Variants in ZBTB11 observed in about 807,000 individuals in gnomAD.
ZBTB11 encodes the protein zinc finger and BTB domain-containing protein 11.
A neutral mutation model predicts 113.1 loss-of-function variants in ZBTB11; 68 were observed. The observed-to-expected ratio is 0.60, with a 90% confidence interval of 0.49 to 0.74. The LOEUF (loss-of-function observed/expected upper bound fraction) is 0.74. Ranked by LOEUF, ZBTB11 falls within the 30% of genes least tolerant of loss-of-function variation. The pLI is 0.00. For missense variants in ZBTB11, 1,104 were observed against 1,279.4 expected (o/e 0.86, Z 2.09); for synonymous variants, 518 against 452.6 (o/e 1.14, Z -1.83).
intron 5 of ZBTB11, among the ~76,000 whole-genome samples, chr3:101,661,381 C>T (rs542988325): frequency 3.9e-5 from 6 of 152,246 alleles, no homozygotes; most frequent in African/African-American, 1.4e-4. Flanking sequence ...TTGTATTTAA[C>T]ACGTCTTGCT....
At chr3:101,665,832 A>T in intron 3 of ZBTB11, 24 bp from the exon 4 acceptor site, 1 of 1,544,390 alleles carries the variant, frequency 6.5e-7, no homozygotes, top group East Asian at 2.3e-5. Context: ...AAGAAGGTAA[A>T]GACAAAAAAG....
intron 1 of ZBTB11, among the ~76,000 whole-genome samples, chr3:101,673,977 C>T (rs968106266): frequency 1.3e-5 from 2 of 150,792 alleles, no homozygotes; most frequent in Admixed American, 6.6e-5. Context: ...CTGACTTCTA[C>T]GGTGAAGAAA....
At chr3:101,655,889 T>A (rs1333873833) in intron 7 of ZBTB11, 1 of 234,122 alleles carries the variant, frequency 4.3e-6, no homozygotes, top group East Asian at 9.3e-5. Context: ...CTCAATCTCC[T>A]GACCTCATGA....
At chr3:101,671,662 T>C in intron 2 of ZBTB11, 1 of 575,452 alleles carries the variant, frequency 1.7e-6, no homozygotes, top group South Asian at 2.3e-5. Context: ...GCCAGATTAA[T>C]TTTACCTTGG....
At chr3:101,664,084 A>G (rs569318949) in intron 5 of ZBTB11, among the ~76,000 whole-genome samples, 1 of 152,284 alleles carries the variant, frequency 6.6e-6, no homozygotes, top group Admixed American at 6.5e-5. Flanking sequence ...GGACAGGGGT[A>G]GTGATTTAAT....
intron 8 of ZBTB11, among the ~76,000 whole-genome samples, chr3:101,653,461 T>C (rs533000053): frequency 1.1e-4 from 17 of 152,318 alleles, no homozygotes; most frequent in Middle Eastern, 3.4e-3. Context: ...CTGAAACCAC[T>C]GCCATTGTCT....
intron 5 of ZBTB11, among the ~76,000 whole-genome samples, chr3:101,661,067 A>G (rs1936878640): frequency 6.6e-6 from 1 of 152,018 alleles, no homozygotes; most frequent in Non-Finnish European, 1.5e-5. Flanking sequence ...CCCTGTCTCT[A>G]CAAAAAAAAT....
chr3:101,652,964 T>G (rs1180032154), intron 8 of ZBTB11, 26 bp from the exon 9 acceptor site: 1 of 1,595,768 alleles, frequency 6.3e-7, no homozygotes. Context: ...GTTACCCAAT[T>G]GGATAATCTT....
chr3:101,671,892 G>A lies in ZBTB11; in HGVS notation c.546+86C>T, dbSNP rs767872414. ...TTGTCTTATTCAATAAGCAGTCTTAGTGGTTTGAGAAAAATAAGTCACCAA... is the reference window on the plus strand; with the variant it reads ...TTGTCTTATTCAATAAGCAGTCTTAATGGTTTGAGAAAAATAAGTCACCAA... On this transcript the variant is annotated intron_variant, in intron 2 of 10. Transcript: ENST00000312938. The A allele has an allele frequency of 4.0e-6, 4 of 1,010,622 alleles. No homozygotes were observed. The African/African-American group carries it at 6.3e-5, about 16-fold the overall frequency. The allele number at this position is 1,010,622 out of a possible 1,614,324, so 62.6% of individuals were successfully genotyped here. A position where few individuals can be genotyped will look rare whatever the true frequency, so the allele number is the denominator to read the frequency against.
rs1236624369 is a variant in ZBTB11 at position 101,651,217 on chromosome 3, T to C, written c.3111A>G (p.Glu1037=). Residue 1037 remains glutamate (E), a synonymous_variant, in exon 11 of 11, where the codon GAA becomes GAG. Transcript: ENST00000312938. ...CCTCTACTTTAACAGTTTGAATAGC[T>C]TCTGCAACTTCAGATAGCTTCTGTC... is the stretch of plus-strand genomic sequence containing the variant. The part of the protein sequence containing the change: ...QQGQKLSEVA[E]AIQTVKVEVA... 3 of 1,611,388 alleles carry C rather than the reference T, an allele frequency of 1.9e-6. No individual in the cohort carries two copies. In the Admixed American group the frequency reaches 5.1e-5, roughly 27 times the overall value.
intron 5 of ZBTB11, 79 bp from the exon 6 acceptor site, chr3:101,660,107 T>C (rs1936863310): frequency 2.1e-6 from 3 of 1,408,764 alleles, no homozygotes; most frequent in African/African-American, 1.4e-5. Context: ...ATTTGGACTT[T>C]GTTTTTGTTA....
rs764640667 is a variant in ZBTB11, at chr3:101,659,850, A to G, written c.1979T>C (p.Leu660Ser). The G allele has an allele frequency of 3.1e-6, 5 of 1,614,154 alleles. No individual in the cohort carries two copies. Among genetic ancestry groups the G allele is most frequent in the South Asian group, 1.1e-5 (1 of 91,090 alleles). ...EFICSICGRT[L>S]PKLYSLRIHM... is the part of the protein sequence containing the mutation. ...TATTCGGAGAGAATATAATTTAGGT[A>G]ATGTTCTTCCACATATGGAACATAT... Residue 660 changes from leucine (L) to serine (S), a missense_variant, in exon 6 of 11, where the codon TTA becomes TCA. Physicochemically the swap from Leu to Ser is moderately radical, Grantham distance 145 (BLOSUM62 -2). Transcript: ENST00000312938.
At position 101,671,276 on chromosome 3, in the gene ZBTB11, T is replaced by C. The variant is rs2108327326; in HGVS notation, c.632A>G (p.Asn211Ser). The C allele has an allele frequency of 6.2e-7, 1 of 1,614,182 alleles. No homozygotes were observed. Among genetic ancestry groups the C allele is most frequent in the Non-Finnish European group, 8.5e-7 (1 of 1,180,034 alleles). The change falls in exon 3 of 11, where the codon AAC becomes AGC. Residue 211 changes from asparagine to serine, a missense_variant. Asn to Ser is a conservative substitution (Grantham distance 46). This residue lies in a region of ZBTB11 where 245 missense variants were observed against 272.5 expected (regional missense o/e 0.90). Transcript: ENST00000312938. ...TAACAAAGTAACATCACAGAACTGG[T>C]TGGAAAGTCTCTGTTCGTTCAGCTG... ...LKQLNEQRLS[N>S]QFCDVTLLIE...
At position 101,677,098 on chromosome 3, in the gene ZBTB11, T is replaced by C. The variant is rs1029265050; in HGVS notation, c.-184A>G. On this transcript the variant is annotated 5_prime_UTR_variant, in exon 1 of 11. Transcript: ENST00000312938. ...GGGCGAGTTGGTAACCAGGGGGAAC[T>C]GCACTTCTCCAGCGCGCGGGATCCG... 1.6e-5 allele frequency: 10 copies of C among 637,986 alleles called. No individual in the cohort carries two copies. The highest frequency in any genetic ancestry group is 2.3e-5 in the Non-Finnish European group (9 of 396,580). 39.5% of individuals were successfully genotyped at this position (637,986 alleles called of 1,614,324 possible).
At chr3:101,660,816 T>C (rs1310658892) in intron 5 of ZBTB11, among the ~76,000 whole-genome samples, 1 of 152,252 alleles carries the variant, frequency 6.6e-6, no homozygotes, top group East Asian at 1.9e-4. Context: ...ACACTGTAAT[T>C]CTTTTTCCTT....
In ZBTB11 at chr3:101,651,354, T is replaced by G; in HGVS notation, c.2974A>C (p.Thr992Pro). The change falls in exon 11 of 11, where the codon ACT becomes CCT. Residue 992 changes from threonine (T) to proline (P), a missense_variant. Around this residue, in one of 5 missense-constraint regions of ZBTB11, gnomAD observed 90 missense variants for 98.0 expected, o/e 0.92. Transcript: ENST00000312938. ...GCAACAGCTTCCAGAGCTTCCATAG[T>G]TTCTCCTGTCACTACCACAGTCTCA... ...ELETVVVTGE[T>P]MEALEAVAAT... 2 of 1,614,020 alleles carry G rather than the reference T, an allele frequency of 1.2e-6. No homozygotes were observed. The highest frequency in any genetic ancestry group is 1.7e-6 in the Non-Finnish European group (2 of 1,179,930).
At position 101,676,546 on chromosome 3, in the gene ZBTB11, C is replaced by A. The variant is rs1020156519; in HGVS notation, c.310+59G>T. The A allele has an allele frequency of 7.0e-6, 10 of 1,423,624 alleles. No homozygotes were observed. In the Admixed American group the frequency reaches 2.2e-4, roughly 32 times the overall value. 88.2% of individuals were successfully genotyped at this position (1,423,624 alleles called of 1,614,324 possible). On this transcript the variant is annotated intron_variant, in intron 1 of 10. Transcript: ENST00000312938. ...CGTGGGTACGCATAGGCCTCGCCAG[C>A]GAGCCTTGCCCAGGCAACGAGTCGC...
chr3:101,664,626 C>T lies in ZBTB11; in HGVS notation c.1712G>A (p.Cys571Tyr), dbSNP rs763051838. The stretch of plus-strand genomic sequence containing the variant: ...CTGAAAAACCATTCCACATTCCCCA[C>T]ATTTATGAGATGCTTCTTCTGTGTT... ...KENTEEASHK[C>Y]GECGMVFQRR... is the part of the protein sequence containing the mutation. The change falls in exon 5 of 11, where the codon TGT becomes TAT. Residue 571 changes from cysteine (C) to tyrosine (Y), a missense_variant. Physicochemically the swap from Cys to Tyr is radical, Grantham distance 194. Transcript: ENST00000312938. The T allele has an allele frequency of 6.2e-7, 1 of 1,613,922 alleles. No homozygotes were observed. The highest frequency in any genetic ancestry group is 8.5e-7 in the Non-Finnish European group (1 of 1,179,952).
chr3:101,651,111 T>A lies in ZBTB11; in HGVS notation c.*55A>T. 6.7e-7 allele frequency: 1 copy of A among 1,496,646 alleles called. No homozygotes were observed. The highest frequency in any genetic ancestry group is 8.9e-7 in the Non-Finnish European group (1 of 1,123,506). 92.7% of individuals were successfully genotyped at this position (1,496,646 alleles called of 1,614,324 possible). On this transcript the variant is annotated 3_prime_UTR_variant, in exon 11 of 11. Coordinates refer to ENST00000312938, the MANE Select transcript of ZBTB11 (RefSeq NM_014415.4). The stretch of plus-strand genomic sequence containing the variant: ...AGTCACACAGAATTGTAAACAAATG[T>A]TCTGTGAGTTCAGTGTACAAGAGAT...
Sources: gnomAD v4.1 joint callset for allele counts (sites outside exome capture counted in the v4.1 genomes callset) on GRCh38, gnomAD v4.1.1 for gene constraint, gnomAD v4.1.1 regional missense constraint, MANE v1.5 for transcripts, NCBI Gene and HGNC (gene_info 2026-07-23, HGNC 2026-07-21) for gene names.